Variants in PRICKLE1 observed in about 807,000 individuals in gnomAD.
PRICKLE1 encodes the protein prickle planar cell polarity protein 1.
A neutral mutation model predicts 70.2 loss-of-function variants in PRICKLE1; 14 were observed. That is an observed-to-expected ratio of 0.20 (90% CI 0.13 to 0.31). The LOEUF is 0.31. Among genes scored for constraint, PRICKLE1 ranks in the 10% least tolerant of loss-of-function variants. PRICKLE1 has a pLI of 1.00. For missense variants in PRICKLE1, 821 were observed against 1,026.2 expected (o/e 0.80, Z 2.73); for synonymous variants, 357 against 379.9 (o/e 0.94, Z 0.70).
chr12:42,469,322 GCTGT>G, intron 4 of PRICKLE1, 124 bp downstream of exon 4: 2 of 1,039,368 alleles, frequency 1.9e-6, no homozygotes, highest in East Asian at 2.4e-5. Flanking sequence ...AAAAAGCTAG[GCTGT>G]CTTTCTCTCA....
chr12:42,494,133 G>A (rs1227439134), intron 1 of PRICKLE1, among the ~76,000 whole-genome samples: 1 of 152,150 alleles, frequency 6.6e-6, no homozygotes, highest in Non-Finnish European at 1.5e-5. Flanking sequence ...ATGATCATCT[G>A]AGCCTTCAGT....
At chr12:42,461,008 A>C (rs1431245666) in intron 7 of PRICKLE1, among the ~76,000 whole-genome samples, 1 of 152,008 alleles carries the variant, frequency 6.6e-6, no homozygotes, top group African/African-American at 2.4e-5. Flanking sequence ...CAACCTCCTG[A>C]GTAGCTGGGA....
chr12:42,480,349 G>A (rs1219459064), intron 1 of PRICKLE1, among the ~76,000 whole-genome samples: 2 of 152,120 alleles, frequency 1.3e-5, no homozygotes, highest in African/African-American at 4.8e-5. Context: ...GCTACCTGGT[G>A]GCTGAAGTGG....
At chr12:42,477,426 AC>A (rs1338847738) in intron 1 of PRICKLE1, among the ~76,000 whole-genome samples, 1 of 136,654 alleles carries the variant, frequency 7.3e-6, no homozygotes, top group Non-Finnish European at 1.6e-5. Flanking sequence ...ATATGTATAT[AC>A]ATATGTATAT....
At chr12:42,531,142 G>T (rs973792216) in intron 1 of PRICKLE1, among the ~76,000 whole-genome samples, 65 of 147,642 alleles carry the variant, frequency 4.4e-4, no homozygotes, top group Non-Finnish European at 8.0e-4. Context: ...CGCCTCCCAG[G>T]TTCACGCCAT....
intron 1 of PRICKLE1, among the ~76,000 whole-genome samples, chr12:42,540,413 G>A (rs1940091182): frequency 6.6e-6 from 1 of 152,208 alleles, no homozygotes; most frequent in African/African-American, 2.4e-5. Context: ...GGAAGGCAAG[G>A]AGGATTGTTA....
intron 1 of PRICKLE1, among the ~76,000 whole-genome samples, chr12:42,499,814 G>T (rs903587811): frequency 1.3e-5 from 2 of 152,010 alleles, no homozygotes; most frequent in Non-Finnish European, 2.9e-5. Context: ...TGCAACCTCT[G>T]CCTCCCGGGT....
intron 1 of PRICKLE1, among the ~76,000 whole-genome samples, chr12:42,494,196 C>T (rs7970931): frequency 0.37 from 56,372 of 152,068 alleles, 10,994 homozygotes; most frequent in East Asian, 0.59. Flanking sequence ...GTGGCTGTTG[C>T]GTGATCAGGA....
chr12:42,485,239 G>GTTTTTTTTT (rs556218718), intron 1 of PRICKLE1: 2 of 100,784 alleles, frequency 2.0e-5, no homozygotes, highest in Non-Finnish European at 3.8e-5. Flanking sequence ...CAGCTGAGAA[G>GTTTTTTTTT]TTTTTTTTTT....
intron 1 of PRICKLE1, among the ~76,000 whole-genome samples, chr12:42,512,147 A>G (rs1939523799): frequency 6.6e-6 from 1 of 152,012 alleles, no homozygotes; most frequent in Non-Finnish European, 1.5e-5. Context: ...GGGTTCAGAC[A>G]AAGTTTCCAG....
chr12:42,563,337 C>G (rs754559264), intron 1 of PRICKLE1, among the ~76,000 whole-genome samples: 1 of 151,800 alleles, frequency 6.6e-6, no homozygotes, highest in Non-Finnish European at 1.5e-5. Context: ...TACATACATA[C>G]TGGAGTATTT....
intron 1 of PRICKLE1, among the ~76,000 whole-genome samples, chr12:42,531,479 T>G (rs1043028247): frequency 6.6e-6 from 1 of 152,198 alleles, no homozygotes; most frequent in Non-Finnish European, 1.5e-5. Context: ...ACACCTTTCC[T>G]CCATCGTAGT....
At chr12:42,561,905 C>CTTTTTTTTTTT (rs60450733) in intron 1 of PRICKLE1, among the ~76,000 whole-genome samples, 74 of 87,116 alleles carry the variant, frequency 8.5e-4, no homozygotes, top group South Asian at 1.3e-3. Flanking sequence ...TTTTTCTTTT[C>CTTTTTTTTTTT]TTTTTTTTTT....
At chr12:42,513,107 G>A (rs1327120115) in intron 1 of PRICKLE1, among the ~76,000 whole-genome samples, 4 of 151,942 alleles carry the variant, frequency 2.6e-5, no homozygotes, top group East Asian at 1.9e-4. Context: ...CATTACAGGC[G>A]CCTGCCACCA....
intron 1 of PRICKLE1, among the ~76,000 whole-genome samples, chr12:42,493,651 C>T (rs912585124): frequency 1.3e-5 from 2 of 152,126 alleles, no homozygotes; most frequent in Non-Finnish European, 2.9e-5. Flanking sequence ...AGGATACCCT[C>T]CTTCTTGCCT....
chr12:42,539,138 T>C (rs759785693), intron 1 of PRICKLE1, among the ~76,000 whole-genome samples: 1 of 152,148 alleles, frequency 6.6e-6, no homozygotes, highest in Non-Finnish European at 1.5e-5. Flanking sequence ...CAAAGTTCTG[T>C]CTTGAAGTTA....
intron 1 of PRICKLE1, among the ~76,000 whole-genome samples, chr12:42,586,179 T>A (rs1167371457): frequency 6.6e-6 from 1 of 152,186 alleles, no homozygotes. Flanking sequence ...CTTTCCTAAC[T>A]CCTTCTCTTT....
At chr12:42,578,246 T>C (rs1940834419) in intron 1 of PRICKLE1, among the ~76,000 whole-genome samples, 1 of 152,230 alleles carries the variant, frequency 6.6e-6, no homozygotes, top group South Asian at 2.1e-4. Flanking sequence ...CCTAGCAAGC[T>C]GGTTGAAATC....
At chr12:42,526,258 G>T (rs140287800) in intron 1 of PRICKLE1, among the ~76,000 whole-genome samples, 2 of 151,516 alleles carry the variant, frequency 1.3e-5, no homozygotes, top group Non-Finnish European at 2.9e-5. Context: ...TTTTTTAAAT[G>T]CTGTATTTGA....
Sources: allele counts gnomAD v4.1 joint callset (sites outside exome capture counted in the v4.1 genomes callset), GRCh38; gene constraint gnomAD v4.1.1; transcripts MANE v1.5; gene names NCBI Gene and HGNC (gene_info 2026-07-23, HGNC 2026-07-21).